WDFY4: variants seen among roughly 807,000 people sequenced by gnomAD.
WDFY4 encodes WD repeat- and FYVE domain-containing protein 4.
WDFY4 carries 169 observed loss-of-function variants against 351.9 expected under a neutral mutation model. The ratio of observed to expected loss-of-function variants is 0.48; its 90% CI spans 0.42 to 0.55. The LOEUF (loss-of-function observed/expected upper bound fraction) is 0.55. Ranked by LOEUF, WDFY4 falls within the 20% of genes least tolerant of loss-of-function variation. WDFY4 has a pLI of 0.00. For synonymous variants in WDFY4, 1,622 were observed against 1,574.6 expected (o/e 1.03, Z -0.71); for missense variants, 3,803 against 3,935.6 (o/e 0.97, Z 0.90).
intron 43 of WDFY4, among the ~76,000 whole-genome samples, chr10:48,879,019 A>G (rs1564443060): frequency 6.6e-6 from 1 of 152,264 alleles, no homozygotes; most frequent in Non-Finnish European, 1.5e-5. Context: ...GTATATTCAT[A>G]ATATCCAGTT....
chr10:48,740,730 A>G (rs1427261363), intron 11 of WDFY4, among the ~76,000 whole-genome samples: 2 of 152,148 alleles, frequency 1.3e-5, no homozygotes, highest in African/African-American at 2.4e-5. Context: ...TGGGAAGTCA[A>G]TTTCCCTGAA....
At chr10:48,705,669 G>A (rs574560864) in intron 1 of WDFY4, among the ~76,000 whole-genome samples, 7 of 152,178 alleles carry the variant, frequency 4.6e-5, no homozygotes, top group African/African-American at 1.7e-4. Context: ...TCAGGGGTCC[G>A]CATTAGTTAG....
At chr10:48,901,947 G>C (rs1589838690) in intron 47 of WDFY4, 84 bp downstream of exon 47, 3 of 1,274,086 alleles carry the variant, frequency 2.4e-6, no homozygotes, top group Admixed American at 2.0e-5. Flanking sequence ...CTCTAAAGAA[G>C]TCTTGCAGAG....
intron 34 of WDFY4, among the ~76,000 whole-genome samples, 174 bp from the exon 35 acceptor site, chr10:48,822,206 A>G (rs1490671168): frequency 1.3e-5 from 2 of 152,166 alleles, no homozygotes; most frequent in Admixed American, 6.5e-5. Context: ...AGATCTGTTC[A>G]TTTTGATTAA....
intron 47 of WDFY4, among the ~76,000 whole-genome samples, chr10:48,909,174 G>A (rs1185646792): frequency 6.6e-6 from 1 of 152,158 alleles, no homozygotes; most frequent in Non-Finnish European, 1.5e-5. Flanking sequence ...TGTGCATTGA[G>A]CAAAATTTGG....
At chr10:48,786,107 G>T (rs935799282) in intron 19 of WDFY4, among the ~76,000 whole-genome samples, 1 of 152,060 alleles carries the variant, frequency 6.6e-6, no homozygotes, top group African/African-American at 2.4e-5. Context: ...ATAATTGTAA[G>T]TGGTATTGTG....
intron 12 of WDFY4, among the ~76,000 whole-genome samples, chr10:48,747,602 C>T (rs933195560): frequency 1.1e-4 from 16 of 152,180 alleles, no homozygotes; most frequent in African/African-American, 3.9e-4. Context: ...ACTGAATCTC[C>T]TACTAGCTGT....
At chr10:48,823,949 C>T (rs1249199456) in intron 35 of WDFY4, 3 of 985,350 alleles carry the variant, frequency 3.0e-6, no homozygotes, top group African/African-American at 3.5e-5. Flanking sequence ...AGAAACATTG[C>T]GTTACCTGTG....
At chr10:48,806,769 G>T (rs556286101) in intron 27 of WDFY4, among the ~76,000 whole-genome samples, 1 of 152,326 alleles carries the variant, frequency 6.6e-6, no homozygotes, top group Admixed American at 6.5e-5. Context: ...CACTGTCCAA[G>T]ACGAGAGCCC....
At chr10:48,821,329 G>A (rs1220520908) in intron 34 of WDFY4, among the ~76,000 whole-genome samples, 153 bp downstream of exon 34, 2 of 152,178 alleles carry the variant, frequency 1.3e-5, no homozygotes, top group African/African-American at 4.8e-5. Context: ...AGAACTCCCT[G>A]GCTCCTGCCT....
intron 53 of WDFY4, among the ~76,000 whole-genome samples, chr10:48,961,387 G>A (rs963552886): frequency 6.6e-6 from 1 of 152,238 alleles, no homozygotes; most frequent in African/African-American, 2.4e-5. Context: ...GCCAAAAACA[G>A]GTGGGTGCTG....
intron 24 of WDFY4, among the ~76,000 whole-genome samples, chr10:48,799,721 C>T (rs867235708): frequency 1.6e-4 from 24 of 151,980 alleles, no homozygotes; most frequent in Non-Finnish European, 2.9e-4. Context: ...TGCAGTGAGC[C>T]GAGATCATGC....
At chr10:48,685,865 A>C (rs1297012481) in intron 1 of WDFY4, among the ~76,000 whole-genome samples, 1 of 149,230 alleles carries the variant, frequency 6.7e-6, no homozygotes, top group Non-Finnish European at 1.5e-5. Flanking sequence ...GTCAAAGCGG[A>C]CAGGGGTCTA....
chr10:48,787,788 C>CCTG (rs1270572244), intron 20 of WDFY4, among the ~76,000 whole-genome samples: 4 of 69,822 alleles, frequency 5.7e-5, no homozygotes, highest in African/African-American at 6.0e-5. Flanking sequence ...TCTTCCTCTT[C>CCTG]CTCCTCCTCC....
chr10:48,787,921 C>CT (rs1589610614), intron 20 of WDFY4, among the ~76,000 whole-genome samples: 8 of 70,736 alleles, frequency 1.1e-4, no homozygotes, highest in East Asian at 8.4e-4. Flanking sequence ...TCTTCTTCTT[C>CT]TTCTTCTTCT....
At chr10:48,782,364 G>A (rs2066255160) in intron 19 of WDFY4, among the ~76,000 whole-genome samples, 3 of 152,218 alleles carry the variant, frequency 2.0e-5, no homozygotes, top group Admixed American at 2.0e-4. Flanking sequence ...TGGCGCAGGG[G>A]CTGACACACA....
At chr10:48,802,349 T>C (rs1565215488) in intron 24 of WDFY4, among the ~76,000 whole-genome samples, 1 of 152,208 alleles carries the variant, frequency 6.6e-6, no homozygotes, top group Non-Finnish European at 1.5e-5. Context: ...GCGCTCCAGC[T>C]TGGGTCTCTC....
chr10:48,870,886 A>T lies in WDFY4; in HGVS notation c.6742-2605A>T, dbSNP rs369788505. 1.1e-3 allele frequency among the ~76,000 whole-genome samples: 161 copies of T among 152,146 alleles called. 1 individual carries two copies. The South Asian group carries it at 0.022, about 20-fold the overall frequency. ...CATGTGTGCTCTGTGATGAAGACCCAGGGAGCTGTGCATCCCCAGGTTGCA... is the reference window on the plus strand; with the variant it reads ...CATGTGTGCTCTGTGATGAAGACCCTGGGAGCTGTGCATCCCCAGGTTGCA... On this transcript the variant is annotated intron_variant, in intron 40 of 61. Coordinates refer to ENST00000325239, the MANE Select transcript of WDFY4 (RefSeq NM_001394531.1).
intron 44 of WDFY4, among the ~76,000 whole-genome samples, chr10:48,891,700 G>A (rs1305802545): frequency 3.3e-5 from 5 of 152,198 alleles, no homozygotes; most frequent in Non-Finnish European, 4.4e-5. Context: ...TAGGTCTGGG[G>A]CAGGGCCTGA....
Sources: allele counts gnomAD v4.1 joint callset (sites outside exome capture counted in the v4.1 genomes callset), GRCh38; gene constraint gnomAD v4.1.1; transcripts MANE v1.5; gene names NCBI Gene and HGNC (gene_info 2026-07-23, HGNC 2026-07-21).